Variants in OLFML2A observed in about 807,000 individuals in gnomAD.
OLFML2A encodes the protein olfactomedin like 2A, also known as olfactomedin-like protein 2A.
A neutral mutation model predicts 60.9 loss-of-function variants in OLFML2A; 47 were observed. The observed-to-expected ratio is 0.77, with a 90% CI of 0.61 to 0.98. The LOEUF (loss-of-function observed/expected upper bound fraction) is 0.98. Among genes scored for constraint, OLFML2A ranks in the 50% least tolerant of loss-of-function variants. The probability of loss-of-function intolerance (pLI) is 0.00; values close to 1 mark genes in which losing one functional copy is unlikely to be tolerated. For synonymous variants in OLFML2A, 372 were observed against 375.0 expected, an observed-to-expected ratio of 0.99 and a Z score of 0.09; for missense variants, 922 against 879.8, an observed-to-expected ratio of 1.05 and a Z score of -0.61.
Position 124,807,982 on chromosome 9 carries a change from A to C in OLFML2A, c.1354+16A>C. On this transcript the variant is annotated intron_variant, in intron 7 of 7. Coordinates refer to ENST00000373580, the MANE Select transcript of OLFML2A (RefSeq NM_182487.4). ...TTCAAGCAAGGTCAGGGACCCCCGG[A>C]GGTGGAGAGGGGGCTGGGTATGGAC... 1 of 1,608,486 alleles carries C rather than the reference A, an allele frequency of 6.2e-7. No individual in the cohort carries two copies. The highest frequency in any genetic ancestry group is 8.5e-7 in the Non-Finnish European group (1 of 1,175,662).
In OLFML2A at chr9:124,813,826, C is replaced by G. The variant is rs1407162171; in HGVS notation, c.*3414C>G. 6.6e-6 allele frequency: 1 copy of G among 152,216 alleles called. No individual in the cohort carries two copies. Among genetic ancestry groups the G allele is most frequent in the Non-Finnish European group, 1.5e-5 (1 of 68,052 alleles). 9.4% of individuals were successfully genotyped at this position (152,216 alleles called of 1,614,324 possible). A position where few individuals can be genotyped will look rare whatever the true frequency, so the allele number is the denominator to read the frequency against. On this transcript the variant is annotated 3_prime_UTR_variant, in exon 8 of 8. Transcript: ENST00000373580. The stretch of plus-strand genomic sequence containing the variant: ...CAGCCCACAACTGCACACTTGTGAG[C>G]TGTCATGGAAACCTGATCCCCAACA...
chr9:124,796,605 A>G (rs1423638427), intron 3 of OLFML2A, among the ~76,000 whole-genome samples: 2 of 152,202 alleles, frequency 1.3e-5, no homozygotes, highest in Non-Finnish European at 2.9e-5. Context: ...GCTTTTGTTC[A>G]CCCTGGGAGG....
chr9:124,796,601 G>A (rs567481405), intron 3 of OLFML2A, among the ~76,000 whole-genome samples: 1 of 152,330 alleles, frequency 6.6e-6, no homozygotes, highest in African/African-American at 2.4e-5. Flanking sequence ...AAAAGCTTTT[G>A]TTCACCCTGG....
chr9:124,777,568 G>A lies in OLFML2A; in HGVS notation c.90+208G>A, dbSNP rs1785831630. ...TGGAGGAACAAGCGCTGGAGATGTA[G>A]GGATGCTAGGGACCCGGGGCCTGAG... is the stretch of plus-strand genomic sequence containing the variant. On this transcript the variant is annotated intron_variant, in intron 1 of 7. Coordinates refer to ENST00000373580, the MANE Select transcript of OLFML2A (RefSeq NM_182487.4). This position sits in a 1 kb window ranked among gnomAD's most constrained non-coding sequence, Gnocchi z 6.2. 6.6e-6 allele frequency among the ~76,000 whole-genome samples: 1 copy of A among 152,160 alleles called. No homozygotes were observed. Among genetic ancestry groups the A allele is most frequent in the African/African-American group, 2.4e-5 (1 of 41,454 alleles).
Position 124,810,132 on chromosome 9 carries a change from T to C in OLFML2A, c.1679T>C (p.Val560Ala). 6.2e-7 allele frequency: 1 copy of C among 1,613,858 alleles called. No homozygotes were observed. The highest frequency in any genetic ancestry group is 1.3e-5 in the African/African-American group (1 of 75,022). ...CGCTTGGACCCCGGCGATCTCTCCG[T>C]GCACCGGGAGACCACGTGGAAGACA... The part of the protein sequence containing the change: ...LSRLDPGDLS[V>A]HRETTWKTRL... Residue 560 changes from valine (V) to alanine (A), a missense_variant, in exon 8 of 8, where the codon GTG becomes GCG. Transcript: ENST00000373580.
rs1445528565 is a variant in OLFML2A, at chr9:124,801,419, A to G, written c.675A>G (p.Thr225=). 6.2e-7 allele frequency: 1 copy of G among 1,614,050 alleles called. No homozygotes were observed. Among genetic ancestry groups the G allele is most frequent in the Non-Finnish European group, 8.5e-7 (1 of 1,179,972 alleles). Residue 225 remains threonine (T), a synonymous_variant, in exon 5 of 8, where the codon ACA becomes ACG. Transcript: ENST00000373580. ...AGACTTCTCTTCCCTCCCAGGACACAGCTAGAGGAAAAGGCAAGGACATCA... is the reference window on the plus strand; with the variant it reads ...AGACTTCTCTTCCCTCCCAGGACACGGCTAGAGGAAAAGGCAAGGACATCA... ...ATGTGSKAQD[T]ARGKGKDISK...
chr9:124,809,969 G>T lies in OLFML2A; in HGVS notation c.1516G>T (p.Val506Leu). Residue 506 changes from valine (V) to leucine (L), a missense_variant, in exon 8 of 8, where the codon GTA (valine) becomes TTA (leucine). Physicochemically the swap from Val to Leu is conservative, Grantham distance 32 (BLOSUM62 1). Transcript: ENST00000373580. The part of the protein sequence containing the change: ...VASWALLPDV[V>L]YEDTTPWKWR... ...CTCCTGGGCGCTGCTGCCCGACGTG[G>T]TATATGAGGACACCACACCTTGGAA... 6.2e-7 allele frequency: 1 copy of T among 1,614,166 alleles called. No individual in the cohort carries two copies. Among genetic ancestry groups the T allele is most frequent in the Non-Finnish European group, 8.5e-7 (1 of 1,180,026 alleles).
chr9:124,795,310 A>G (rs2131261867), intron 3 of OLFML2A, among the ~76,000 whole-genome samples, 179 bp downstream of exon 3: 1 of 152,350 alleles, frequency 6.6e-6, no homozygotes, highest in Middle Eastern at 3.4e-3. Flanking sequence ...GAAGAGGTCT[A>G]ACTGGCTCAA....
intron 7 of OLFML2A, 78 bp downstream of exon 7, chr9:124,808,044 C>T (rs1841938696): frequency 1.8e-6 from 2 of 1,128,672 alleles, no homozygotes; most frequent in Admixed American, 1.9e-5. Flanking sequence ...CTTGGCCTTC[C>T]TTGCCTTGTG....
At chr9:124,803,015 T>G (rs1841811043) in intron 5 of OLFML2A, among the ~76,000 whole-genome samples, 1 of 152,044 alleles carries the variant, frequency 6.6e-6, no homozygotes, top group Non-Finnish European at 1.5e-5. Context: ...TTCAAGCAAT[T>G]CTCTCGCCTC....
chr9:124,779,090 GA>G lies in OLFML2A; in HGVS notation c.90+1731del. ...GCTGCTCATGTACTCCAGAGACAAG[GA>G]GGGAATGAGTATTTTTTCTAATTTA... On this transcript the variant is annotated intron_variant, in intron 1 of 7. Transcript: ENST00000373580. The surrounding 1 kb of genome is among the most constrained non-coding windows in gnomAD (Gnocchi z 4.1). The G allele has an allele frequency of 3.7e-6, 1 of 269,132 alleles. No homozygotes were observed. The highest frequency in any genetic ancestry group is 5.7e-6 in the Non-Finnish European group (1 of 175,188). 16.7% of individuals were successfully genotyped at this position (269,132 alleles called of 1,614,324 possible).
intron 3 of OLFML2A, 65 bp from the exon 4 acceptor site, chr9:124,799,220 C>A: frequency 1.7e-6 from 2 of 1,178,412 alleles, no homozygotes; most frequent in Non-Finnish European, 2.5e-6. Flanking sequence ...CTGGGGTGTC[C>A]CTCCAGGCTA....
intron 6 of OLFML2A, among the ~76,000 whole-genome samples, chr9:124,805,345 T>C (rs1841870420): frequency 6.6e-6 from 1 of 152,172 alleles, no homozygotes; most frequent in Non-Finnish European, 1.5e-5. Flanking sequence ...TCATTTCTAA[T>C]GTCAGAAAAC....
intron 2 of OLFML2A, among the ~76,000 whole-genome samples, chr9:124,793,345 G>A (rs930656654): frequency 3.3e-5 from 5 of 152,308 alleles, no homozygotes; most frequent in South Asian, 4.1e-4. Flanking sequence ...AGGGGGAGCT[G>A]TAGGGCAGAG....
In OLFML2A at chr9:124,801,488, C is replaced by G. The variant is rs1476419656; in HGVS notation, c.744C>G (p.Leu248=). ...SVQKSFADRG[L]PKPPKEKLLQ... is the part of the protein sequence containing the mutation. ...AGAAAAGCTTTGCAGACAGAGGCCT[C>G]CCAAAACCTCCCAAGGAGAAGCTGC... The change falls in exon 5 of 8, where the codon CTC becomes CTG. Residue 248 remains leucine, a synonymous_variant. Transcript: ENST00000373580. 3 of 1,613,996 alleles carry G rather than the reference C, an allele frequency of 1.9e-6. No individual in the cohort carries two copies. The African/African-American group carries it at 4.0e-5, about 22-fold the overall frequency.
intron 2 of OLFML2A, among the ~76,000 whole-genome samples, chr9:124,790,995 T>C (rs1841558374): frequency 6.6e-6 from 1 of 152,212 alleles, no homozygotes; most frequent in African/African-American, 2.4e-5. Context: ...GTCCCCATCT[T>C]GACTGGGGGT....
chr9:124,806,850 C>T (rs566670011), intron 6 of OLFML2A, among the ~76,000 whole-genome samples: 51 of 152,110 alleles, frequency 3.4e-4, no homozygotes, highest in East Asian at 2.3e-3. Flanking sequence ...CCTTGTGATC[C>T]GCCCACCTCA....
Position 124,811,096 on chromosome 9 carries a change from G to A in OLFML2A, c.*684G>A, listed in dbSNP as rs971683311. On this transcript the variant is annotated 3_prime_UTR_variant, in exon 8 of 8. Transcript: ENST00000373580. ...ACCTCTACCGTCACCTAGCTGCTGA[G>A]CAGAAACCGCACCCCGAGAGAAAAT... 6 of 152,794 alleles carry A rather than the reference G, an allele frequency of 3.9e-5. No homozygotes were observed. Among genetic ancestry groups the A allele is most frequent in the African/African-American group, 1.4e-4 (6 of 41,430 alleles). 9.5% of individuals were successfully genotyped at this position (152,794 alleles called of 1,614,324 possible).
chr9:124,800,780 G>A (rs920549160), intron 4 of OLFML2A: 1 of 1,262,186 alleles, frequency 7.9e-7, no homozygotes, highest in African/African-American at 1.5e-5. Flanking sequence ...CTAACGATGA[G>A]TGATGTCACA....
Sources: gnomAD v4.1 joint callset for allele counts (sites outside exome capture counted in the v4.1 genomes callset) on GRCh38, gnomAD v4.1.1 for gene constraint, Gnocchi (gnomAD v3.1) non-coding constraint, MANE v1.5 for transcripts, NCBI Gene and HGNC (gene_info 2026-07-23, HGNC 2026-07-21) for gene names.